Variants in ZNF704 observed in about 807,000 individuals in gnomAD.
The protein encoded by ZNF704 is glucocorticoid induced gene 1.
In ZNF704, 10 loss-of-function variants were observed where a neutral mutation model predicts 44.7. The observed-to-expected ratio is 0.22, with a 90% CI of 0.14 to 0.38. ZNF704 has a LOEUF of 0.38. Among genes scored for constraint, ZNF704 ranks in the 10% least tolerant of loss-of-function variants. The pLI is 1.00. For synonymous variants in ZNF704, 211 were observed against 207.6 expected (o/e 1.02, Z -0.14); for missense variants, 390 against 545.5 (o/e 0.71, Z 2.84).
intron 1 of ZNF704, among the ~76,000 whole-genome samples, chr8:80,841,618 T>A (rs1808681147): frequency 6.6e-6 from 1 of 152,236 alleles, no homozygotes; most frequent in African/African-American, 2.4e-5. Flanking sequence ...ATATCACTGC[T>A]AATAGACTTG....
intron 2 of ZNF704, among the ~76,000 whole-genome samples, chr8:80,795,818 C>T (rs749001804): frequency 1.1e-4 from 16 of 152,142 alleles, no homozygotes; most frequent in African/African-American, 3.4e-4. Flanking sequence ...AATCAACCAA[C>T]GTTTCTCAAT....
chr8:80,861,991 C>CT (rs71266093), intron 1 of ZNF704, among the ~76,000 whole-genome samples: 1,530 of 92,986 alleles, frequency 0.016, 231 homozygotes, highest in African/African-American at 0.037. Context: ...AAAAAATAAC[C>CT]TTTTTTTTTT....
At chr8:80,803,035 T>A (rs1807928298) in intron 2 of ZNF704, among the ~76,000 whole-genome samples, 1 of 152,156 alleles carries the variant, frequency 6.6e-6, no homozygotes, top group Non-Finnish European at 1.5e-5. Flanking sequence ...CTAGCATTCC[T>A]ATATAGTAAC....
chr8:80,869,123 T>C (rs1219556599), intron 1 of ZNF704, among the ~76,000 whole-genome samples: 1 of 152,214 alleles, frequency 6.6e-6, no homozygotes, highest in Admixed American at 6.5e-5. Context: ...CTCGAGGATA[T>C]GTAATGAAAT....
chr8:80,646,159 C>A lies in ZNF704; in HGVS notation c.1033-3030G>T, dbSNP rs149712332. Reference sequence around the variant, plus strand: ...CCCAGTCTAAGGTATTCTGTTATAGCAGCACAAAACTTAGACATTTAAAAA... The same window carrying A: ...CCCAGTCTAAGGTATTCTGTTATAGAAGCACAAAACTTAGACATTTAAAAA... On this transcript the variant is annotated intron_variant, in intron 7 of 8. Transcript: ENST00000327835. Among the ~76,000 whole-genome samples, 4 of 152,324 alleles carry A rather than the reference C, an allele frequency of 2.6e-5. No individual in the cohort carries two copies. The East Asian group carries it at 7.7e-4, about 29-fold the overall frequency.
rs1291942864 is a variant in ZNF704 at position 80,639,197 on chromosome 8, C to G, written c.*2169G>C. 1 of 152,240 alleles carries G rather than the reference C, an allele frequency of 6.6e-6. No individual in the cohort carries two copies. The highest frequency in any genetic ancestry group is 1.5e-5 in the Non-Finnish European group (1 of 68,064). The allele number at this position is 152,240 out of a possible 1,614,324, so 9.4% of individuals were successfully genotyped here. On this transcript the variant is annotated 3_prime_UTR_variant, in exon 9 of 9. Coordinates refer to ENST00000327835, the MANE Select transcript of ZNF704 (RefSeq NM_001033723.3). ...GGAGCTTTGCTGAAGAGAAAAACCT[C>G]TGGTCCAGGACTGTACCCTGTCATT... is the stretch of plus-strand genomic sequence containing the variant.
chr8:80,847,417 T>TCTATATATATATATATATACATATATATA (rs1808785325), intron 1 of ZNF704, among the ~76,000 whole-genome samples: 1 of 152,106 alleles, frequency 6.6e-6, no homozygotes, highest in South Asian at 2.1e-4. Flanking sequence ...TATTTATAGG[T>TCTATATATATATATATATACATATATATA]TGGATGTAAT....
At chr8:80,785,754 C>T (rs1388608641) in intron 2 of ZNF704, among the ~76,000 whole-genome samples, 1 of 152,130 alleles carries the variant, frequency 6.6e-6, no homozygotes, top group Non-Finnish European at 1.5e-5. Flanking sequence ...TCTCCAGGCT[C>T]ATCCTGTATA....
At chr8:80,766,982 G>C (rs918208678) in intron 2 of ZNF704, among the ~76,000 whole-genome samples, 1 of 152,020 alleles carries the variant, frequency 6.6e-6, no homozygotes, top group Non-Finnish European at 1.5e-5. Context: ...CAAAGTGCTG[G>C]GATTATAGGC....
chr8:80,754,033 G>C (rs898488873), intron 2 of ZNF704, among the ~76,000 whole-genome samples: 1 of 152,110 alleles, frequency 6.6e-6, no homozygotes, highest in Non-Finnish European at 1.5e-5. Flanking sequence ...TTACTCACTT[G>C]GCTTCGAACT....
At chr8:80,715,266 T>C (rs1819054706) in intron 2 of ZNF704, among the ~76,000 whole-genome samples, 1 of 152,240 alleles carries the variant, frequency 6.6e-6, no homozygotes. Flanking sequence ...TCCTTTGTTT[T>C]CAATGTAACA....
intron 2 of ZNF704, among the ~76,000 whole-genome samples, chr8:80,706,583 C>T (rs756404462): frequency 6.6e-6 from 1 of 152,216 alleles, no homozygotes; most frequent in Non-Finnish European, 1.5e-5. Flanking sequence ...ATGTGTCTCC[C>T]CTCAGAGAGC....
intron 1 of ZNF704, among the ~76,000 whole-genome samples, chr8:80,856,328 T>A (rs572301371): frequency 8.5e-5 from 13 of 152,192 alleles, no homozygotes; most frequent in African/African-American, 3.1e-4. Flanking sequence ...TCAATTGACT[T>A]GATTTTTTTT....
chr8:80,653,503 C>G (rs901838256), intron 7 of ZNF704, among the ~76,000 whole-genome samples: 1 of 152,190 alleles, frequency 6.6e-6, no homozygotes, highest in Non-Finnish European at 1.5e-5. Context: ...GCAAAAATCA[C>G]AAGCATTCTT....
rs572563371 is a variant in ZNF704, at chr8:80,672,948, C to T, written c.559-2345G>A. On this transcript the variant is annotated intron_variant, in intron 4 of 8. Coordinates refer to ENST00000327835, the MANE Select transcript of ZNF704 (RefSeq NM_001033723.3). Reference sequence around the variant, plus strand: ...CTTAAAAAAAAAAAATTTTGTAATACGGCAATATGCATACTCTCTAATTAA... The same window carrying T: ...CTTAAAAAAAAAAAATTTTGTAATATGGCAATATGCATACTCTCTAATTAA... Among the ~76,000 whole-genome samples, 7 of 152,090 alleles carry T rather than the reference C, an allele frequency of 4.6e-5. No homozygotes were observed. The South Asian group carries it at 6.2e-4, about 14-fold the overall frequency.
At chr8:80,750,549 CTT>C (rs1199251586) in intron 2 of ZNF704, among the ~76,000 whole-genome samples, 1 of 149,410 alleles carries the variant, frequency 6.7e-6, no homozygotes, top group East Asian at 1.9e-4. Flanking sequence ...TTGTTTTGCT[CTT>C]GTTGCCCAGG....
At chr8:80,775,550 T>C (rs1189007695) in intron 2 of ZNF704, among the ~76,000 whole-genome samples, 1 of 152,218 alleles carries the variant, frequency 6.6e-6, no homozygotes, top group African/African-American at 2.4e-5. Flanking sequence ...ACTGACTATA[T>C]ACTCAGATAA....
At chr8:80,653,046 A>C (rs1817949131) in intron 7 of ZNF704, among the ~76,000 whole-genome samples, 1 of 152,340 alleles carries the variant, frequency 6.6e-6, no homozygotes, top group South Asian at 2.1e-4. Flanking sequence ...TCCAGCATAT[A>C]AACAGAACCA....
At chr8:80,650,218 C>G (rs1445108231) in intron 7 of ZNF704, among the ~76,000 whole-genome samples, 2 of 151,000 alleles carry the variant, frequency 1.3e-5, no homozygotes, top group African/African-American at 4.9e-5. Context: ...GGGGAAAAAA[C>G]AGCAGAAAAA....
Sources: gnomAD v4.1 joint callset for allele counts (sites outside exome capture counted in the v4.1 genomes callset) on GRCh38, gnomAD v4.1.1 for gene constraint, MANE v1.5 for transcripts, NCBI Gene and HGNC (gene_info 2026-07-23, HGNC 2026-07-21) for gene names.